The following FRS2 variants were observed in gnomAD, a reference collection of about 807,000 sequenced individuals.
FRS2 encodes the protein FGFR signalling adaptor.
A neutral mutation model predicts 43.9 loss-of-function variants in FRS2; 8 were observed. The observed-to-expected ratio is 0.18, with a 90% confidence interval of 0.11 to 0.33. FRS2 has a LOEUF of 0.33. Among genes scored for constraint, FRS2 ranks in the 10% least tolerant of loss-of-function variants. The pLI is 1.00. For missense variants in FRS2, 534 were observed against 627.6 expected (o/e 0.85, Z 1.59); for synonymous variants, 219 against 220.3 (o/e 0.99, Z 0.05).
chr12:69,508,382 A>T (rs945537277), intron 1 of FRS2, among the ~76,000 whole-genome samples: 1 of 152,220 alleles, frequency 6.6e-6, no homozygotes, highest in Admixed American at 6.5e-5. Flanking sequence ...GAATTGCTAC[A>T]TTCCCAAAGT....
At chr12:69,506,544 G>T (rs1486802046) in intron 1 of FRS2, among the ~76,000 whole-genome samples, 2 of 152,068 alleles carry the variant, frequency 1.3e-5, no homozygotes, top group Non-Finnish European at 2.9e-5. Context: ...AATCCAGAGA[G>T]AGAGAGTACT....
At chr12:69,534,724 C>G (rs1877114637) in intron 3 of FRS2, among the ~76,000 whole-genome samples, 1 of 152,138 alleles carries the variant, frequency 6.6e-6, no homozygotes, top group Non-Finnish European at 1.5e-5. Flanking sequence ...GTAGAAACTA[C>G]AAGTCTGAGC....
chr12:69,504,142 T>A (rs1217835368), intron 1 of FRS2, among the ~76,000 whole-genome samples: 2 of 152,346 alleles, frequency 1.3e-5, no homozygotes, highest in South Asian at 2.1e-4. Context: ...CTGATGGAGC[T>A]TTCATTCCGA....
intron 1 of FRS2, among the ~76,000 whole-genome samples, chr12:69,518,840 C>A (rs570794775): frequency 7.7e-4 from 117 of 151,874 alleles, no homozygotes; most frequent in South Asian, 7.5e-3. Context: ...CATGGAGAAA[C>A]CCCATCTCTA....
At chr12:69,526,454 AT>A (rs1396525150) in intron 1 of FRS2, among the ~76,000 whole-genome samples, 1 of 149,650 alleles carries the variant, frequency 6.7e-6, no homozygotes, top group East Asian at 2.0e-4. Flanking sequence ...GAAAGAAAAT[AT>A]TCCTACACAA....
chr12:69,551,860 T>G (rs1015396085), intron 3 of FRS2, among the ~76,000 whole-genome samples: 11 of 152,212 alleles, frequency 7.2e-5, no homozygotes, highest in Non-Finnish European at 1.0e-4. Flanking sequence ...TTGATAGTTC[T>G]TTCATTGACT....
Position 69,577,857 on chromosome 12 carries a change from T to C in FRS2, c.*2902T>C, listed in dbSNP as rs577859255. 2.0e-5 allele frequency: 3 copies of C among 152,630 alleles called. No homozygotes were observed. The highest frequency in any genetic ancestry group is 4.4e-5 in the Non-Finnish European group (3 of 68,010). The allele number at this position is 152,630 out of a possible 1,614,324, so 9.5% of individuals were successfully genotyped here. Reference sequence around the variant, plus strand: ...GCAAAAAGCTTTTCACTTCTCAGTATATCCAGAATACATCATATCTGGGAC... The same window carrying C: ...GCAAAAAGCTTTTCACTTCTCAGTACATCCAGAATACATCATATCTGGGAC... On this transcript the variant is annotated 3_prime_UTR_variant, in exon 9 of 9. Coordinates refer to ENST00000549921, the MANE Select transcript of FRS2 (RefSeq NM_001278356.2).
intron 3 of FRS2, among the ~76,000 whole-genome samples, chr12:69,554,572 A>G (rs1879181087): frequency 6.6e-6 from 1 of 152,226 alleles, no homozygotes; most frequent in South Asian, 2.1e-4. Context: ...TAACCGTGAC[A>G]TATTTGTCAA....
intron 1 of FRS2, among the ~76,000 whole-genome samples, chr12:69,477,062 ATTTAT>A (rs1391089795): frequency 6.6e-6 from 1 of 151,834 alleles, no homozygotes; most frequent in Non-Finnish European, 1.5e-5. Flanking sequence ...TGTTTAATTC[ATTTAT>A]TTTAACAGTG....
At chr12:69,476,194 C>A (rs940735747) in intron 1 of FRS2, among the ~76,000 whole-genome samples, 2 of 152,114 alleles carry the variant, frequency 1.3e-5, no homozygotes, top group African/African-American at 4.8e-5. Context: ...CTACAGAGGA[C>A]GTATTGTGAT....
At chr12:69,557,619 T>TGTGTGCGC (rs1555192498) in intron 3 of FRS2, among the ~76,000 whole-genome samples, 4,068 of 118,798 alleles carry the variant, frequency 0.034, 106 homozygotes, top group African/African-American at 0.076. Context: ...TGTGTGTGTG[T>TGTGTGCGC]GCGCGCGCGC....
chr12:69,533,460 C>T (rs1221904466), intron 3 of FRS2, among the ~76,000 whole-genome samples: 1 of 152,058 alleles, frequency 6.6e-6, no homozygotes, highest in African/African-American at 2.4e-5. Flanking sequence ...AGTGATTTTC[C>T]TGCCTCAGCC....
intron 1 of FRS2, among the ~76,000 whole-genome samples, chr12:69,522,466 A>G (rs186536793): frequency 1.2e-3 from 186 of 151,934 alleles, no homozygotes; most frequent in Non-Finnish European, 2.1e-3. Flanking sequence ...GTCATTTCTC[A>G]TTGTGTTTAT....
chr12:69,565,902 A>G (rs1265371737), intron 4 of FRS2, among the ~76,000 whole-genome samples: 2 of 152,200 alleles, frequency 1.3e-5, no homozygotes, highest in South Asian at 2.1e-4. Context: ...AACCAATTAC[A>G]TAGTCATTTA....
chr12:69,544,444 G>A (rs577527546), intron 3 of FRS2, among the ~76,000 whole-genome samples: 1 of 152,252 alleles, frequency 6.6e-6, no homozygotes, highest in Non-Finnish European at 1.5e-5. Context: ...AGTGGTTCAT[G>A]TCTGTAATTT....
chr12:69,540,124 G>A (rs1050206496), intron 3 of FRS2, among the ~76,000 whole-genome samples: 4 of 151,326 alleles, frequency 2.6e-5, no homozygotes, highest in African/African-American at 4.9e-5. Flanking sequence ...GTGGTGGTGC[G>A]CGCCTGTAGT....
chr12:69,505,883 A>G (rs1873883684), intron 1 of FRS2, among the ~76,000 whole-genome samples: 1 of 152,242 alleles, frequency 6.6e-6, no homozygotes, highest in African/African-American at 2.4e-5. Context: ...GTTTCTGCAC[A>G]TGAGTTCCTT....
chr12:69,547,512 A>G (rs989783553), intron 3 of FRS2, among the ~76,000 whole-genome samples: 22 of 152,274 alleles, frequency 1.4e-4, no homozygotes, highest in African/African-American at 4.6e-4. Context: ...AAGATGGTAA[A>G]TTTTATGTGT....
chr12:69,471,247 C>CT (rs1364881269), intron 1 of FRS2, among the ~76,000 whole-genome samples: 1 of 151,822 alleles, frequency 6.6e-6, no homozygotes, highest in Non-Finnish European at 1.5e-5. Flanking sequence ...CCTCCCCCGC[C>CT]TTTTTTTGCA....
Sources: allele counts gnomAD v4.1 joint callset (sites outside exome capture counted in the v4.1 genomes callset), GRCh38; gene constraint gnomAD v4.1.1; transcripts MANE v1.5; gene names NCBI Gene and HGNC (gene_info 2026-07-23, HGNC 2026-07-21).